Variants in FOCAD observed in about 807,000 individuals in gnomAD.
FOCAD encodes the protein focadhesin, also known as KIAA1797.
A neutral mutation model predicts 225.6 loss-of-function variants in FOCAD; 198 were observed. That is an observed-to-expected ratio of 0.88 (90% confidence interval 0.78 to 0.99). FOCAD has a LOEUF of 0.99. Among genes scored for constraint, FOCAD ranks in the 50% least tolerant of loss-of-function variants. FOCAD has a pLI of 0.00. For missense variants in FOCAD, 2,713 were observed against 2,123.6 expected (o/e 1.28, Z -5.46); for synonymous variants, 897 against 755.0 (o/e 1.19, Z -3.08).
At chr9:20,713,744 C>G (rs1229819651) in intron 1 of FOCAD, among the ~76,000 whole-genome samples, 1 of 152,116 alleles carries the variant, frequency 6.6e-6, no homozygotes, top group Admixed American at 6.5e-5. Context: ...GAATATATGT[C>G]CGCATAGAAT....
At chr9:20,786,611 A>G (rs1421543605) in intron 10 of FOCAD, among the ~76,000 whole-genome samples, 2 of 152,206 alleles carry the variant, frequency 1.3e-5, no homozygotes, top group Non-Finnish European at 2.9e-5. Context: ...TTTAGTCACT[A>G]TTATAGATTA....
chr9:20,692,279 C>G (rs1421184811), intron 1 of FOCAD, among the ~76,000 whole-genome samples: 1 of 152,116 alleles, frequency 6.6e-6, no homozygotes, highest in Non-Finnish European at 1.5e-5. Context: ...AGGCTAAAAA[C>G]CTGAGTATCA....
At chr9:20,717,950 C>G (rs1825471004) in intron 3 of FOCAD, 82 bp downstream of exon 3, 1 of 1,061,214 alleles carries the variant, frequency 9.4e-7, no homozygotes, top group Admixed American at 1.9e-5. Flanking sequence ...TCTTGTTTCC[C>G]TGATAGTTCA....
chr9:20,920,148 C>T lies in FOCAD; in HGVS notation c.2852+3211C>T, dbSNP rs563462924. Reference sequence around the variant, plus strand: ...ACAGACAACCCCATCAACAAGTGGGCGAAGGAGATGAACAGACACTTCTCA... The same window carrying T: ...ACAGACAACCCCATCAACAAGTGGGTGAAGGAGATGAACAGACACTTCTCA... On this transcript the variant is annotated intron_variant, in intron 24 of 43. Coordinates refer to ENST00000338382, the MANE Select transcript of FOCAD (RefSeq NM_001375567.1). Among the ~76,000 whole-genome samples the T allele has an allele frequency of 6.2e-4, 95 of 152,248 alleles. 1 individual carries two copies. In the South Asian group the frequency reaches 6.4e-3, roughly 10 times the overall value.
intron 15 of FOCAD, among the ~76,000 whole-genome samples, chr9:20,831,383 T>C (rs10811412): frequency 0.24 from 36,610 of 152,010 alleles, 4,463 homozygotes; most frequent in Non-Finnish European, 0.26. Flanking sequence ...TTTCTGTAGG[T>C]AGGACACAAA....
chr9:20,679,373 G>C (rs1017118639), upstream of FOCAD, among the ~76,000 whole-genome samples: 2 of 152,070 alleles, frequency 1.3e-5, no homozygotes, highest in African/African-American at 2.4e-5. Flanking sequence ...CCCAGTCTTC[G>C]TGCCTGATGA....
chr9:20,880,315 G>T (rs545215771), intron 19 of FOCAD, among the ~76,000 whole-genome samples: 52 of 152,186 alleles, frequency 3.4e-4, no homozygotes, highest in Admixed American at 5.9e-4. Context: ...AGAAGAAAGA[G>T]TATCTGTATT....
intron 15 of FOCAD, among the ~76,000 whole-genome samples, chr9:20,853,367 A>G (rs1827857699): frequency 6.6e-6 from 1 of 151,750 alleles, no homozygotes; most frequent in Non-Finnish European, 1.5e-5. Context: ...CTGTTTAATA[A>G]ATGTCTCTGT....
chr9:20,765,270 A>T (rs1171485709), intron 7 of FOCAD, among the ~76,000 whole-genome samples, 197 bp downstream of exon 7: 1 of 152,224 alleles, frequency 6.6e-6, no homozygotes, highest in Non-Finnish European at 1.5e-5. Context: ...ATTCGATATT[A>T]ACTAAATACA....
At chr9:20,769,957 A>T in intron 7 of FOCAD, 75 bp from the exon 8 acceptor site, 1 of 1,368,550 alleles carries the variant, frequency 7.3e-7, no homozygotes, top group Non-Finnish European at 1.0e-6. Flanking sequence ...ACATTGTTCA[A>T]AGCTTTTTGT....
intron 5 of FOCAD, among the ~76,000 whole-genome samples, chr9:20,754,549 GT>G (rs11412520): frequency 3.1e-4 from 45 of 145,854 alleles, no homozygotes; most frequent in South Asian, 1.1e-3. Context: ...GAAGCATAGT[GT>G]TTTTTTTTTT....
In FOCAD at chr9:20,891,363, G is replaced by A. The variant is rs376837094; in HGVS notation, c.2625+6133G>A. Among the ~76,000 whole-genome samples, 20 of 152,304 alleles carry A rather than the reference G, an allele frequency of 1.3e-4. No individual in the cohort carries two copies. The South Asian group carries it at 3.1e-3, about 24-fold the overall frequency. ...AAAGCTAGAAATGATTAAGATTAGC[G>A]AGGAAGGCATATTGAAAGCTGAGAT... On this transcript the variant is annotated intron_variant, in intron 21 of 43. Coordinates refer to ENST00000338382, the MANE Select transcript of FOCAD (RefSeq NM_001375567.1).
chr9:20,801,183 G>A (rs1821788600), intron 11 of FOCAD, among the ~76,000 whole-genome samples: 1 of 152,104 alleles, frequency 6.6e-6, no homozygotes, highest in South Asian at 2.1e-4. Context: ...AACAGTTAAT[G>A]TGACACAGCA....
At chr9:20,755,336 A>T (rs938274512) in intron 5 of FOCAD, among the ~76,000 whole-genome samples, 29 of 152,212 alleles carry the variant, frequency 1.9e-4, no homozygotes, top group Admixed American at 1.4e-3. Flanking sequence ...GCTGAATCCA[A>T]TAGCTAGCAA....
intron 2 of FOCAD, among the ~76,000 whole-genome samples, chr9:20,716,681 T>C (rs933763248): frequency 6.6e-5 from 10 of 152,230 alleles, no homozygotes; most frequent in Non-Finnish European, 8.8e-5. Flanking sequence ...CTGTAACCAC[T>C]GCTCGATGTT....
intron 15 of FOCAD, among the ~76,000 whole-genome samples, chr9:20,833,974 C>G (rs753856918): frequency 6.6e-6 from 1 of 152,028 alleles, no homozygotes; most frequent in Non-Finnish European, 1.5e-5. Context: ...GATGATCCAG[C>G]AATTCCACTT....
At chr9:20,993,812 A>C (rs933921498) in intron 43 of FOCAD, among the ~76,000 whole-genome samples, 1 of 152,306 alleles carries the variant, frequency 6.6e-6, no homozygotes, top group African/African-American at 2.4e-5. Flanking sequence ...AGTAGACTTA[A>C]AAAGAATGCC....
intron 11 of FOCAD, among the ~76,000 whole-genome samples, chr9:20,806,771 G>A (rs982780850): frequency 3.3e-5 from 5 of 152,026 alleles, no homozygotes; most frequent in South Asian, 2.1e-4. Context: ...GTAATAGATG[G>A]TATGATTATA....
chr9:20,688,980 G>A (rs1438023658), intron 1 of FOCAD, among the ~76,000 whole-genome samples: 1 of 152,204 alleles, frequency 6.6e-6, no homozygotes, highest in Non-Finnish European at 1.5e-5. Flanking sequence ...TTGCAAAGGA[G>A]TTGAAACTAT....
Sources: gnomAD v4.1 joint callset for allele counts (sites outside exome capture counted in the v4.1 genomes callset) on GRCh38, gnomAD v4.1.1 for gene constraint, MANE v1.5 for transcripts, NCBI Gene and HGNC (gene_info 2026-07-23, HGNC 2026-07-21) for gene names.